ZNF48: variants seen among roughly 807,000 people sequenced by gnomAD.
ZNF48 encodes zinc finger protein 48.
ZNF48 carries 20 observed loss-of-function variants against 40.0 expected under a neutral mutation model. The observed-to-expected ratio is 0.50, with a 90% CI of 0.35 to 0.73. The LOEUF is 0.73. Among genes scored for constraint, ZNF48 ranks in the 30% least tolerant of loss-of-function variants. The pLI is 0.01. For synonymous variants in ZNF48, 298 were observed against 329.7 expected (o/e 0.90, Z 1.04); for missense variants, 726 against 851.9 (o/e 0.85, Z 1.84).
At position 30,398,183 on chromosome 16, in the gene ZNF48, G is replaced by T. The variant is rs769345363; in HGVS notation, c.933G>T (p.Glu311Asp). Residue 311 changes from glutamate to aspartate, a missense_variant, in exon 3 of 3, where the codon GAG (glutamate) becomes GAT (aspartate). Physicochemically the swap from Glu to Asp is conservative, Grantham distance 45 (BLOSUM62 2). Around this residue, in one of 5 missense-constraint regions of ZNF48, gnomAD observed 378 missense variants for 449.1 expected, o/e 0.84. Transcript: ENST00000613509. This position sits in a 1 kb window ranked among gnomAD's most constrained non-coding sequence, Gnocchi z 6.6. ...TTGGCTGTGATGTGTGTGGAAAGGAGTTTGCCCGGGGATCCGACCTGGTGA... is the reference window on the plus strand; with the variant it reads ...TTGGCTGTGATGTGTGTGGAAAGGATTTTGCCCGGGGATCCGACCTGGTGA... ...KPFGCDVCGK[E>D]FARGSDLVKH... 1 of 1,614,006 alleles carries T rather than the reference G, an allele frequency of 6.2e-7. No homozygotes were observed. Among genetic ancestry groups the T allele is most frequent in the Non-Finnish European group, 8.5e-7 (1 of 1,180,000 alleles).
chr16:30,397,973 A>G lies in ZNF48; in HGVS notation c.723A>G (p.Thr241=). The change falls in exon 3 of 3, where the codon ACA becomes ACG. Residue 241 remains threonine, a synonymous_variant. Coordinates refer to ENST00000613509, the MANE Select transcript of ZNF48 (RefSeq NM_001214909.2). The surrounding 1 kb of genome is among the most constrained non-coding windows in gnomAD (Gnocchi z 4.1). ...CCGCCCGCATCAAGCACCAGCGGAC[A>G]CACCGGGGGGAGCAGCCCCCCCGAC... ...DSSARIKHQR[T]HRGEQPPRPV... 1.2e-6 allele frequency: 2 copies of G among 1,613,860 alleles called. No homozygotes were observed. Among genetic ancestry groups the G allele is most frequent in the Non-Finnish European group, 8.5e-7 (1 of 1,179,954 alleles).
At chr16:30,380,188 A>C in intron 1 of ZNF48, 1 of 503,002 alleles carries the variant, frequency 2.0e-6, no homozygotes, top group Non-Finnish European at 3.4e-6. Flanking sequence ...ACAGGAAGAC[A>C]AAAACAAAAT....
At chr16:30,379,484 G>T in intron 1 of ZNF48, 1 of 1,613,702 alleles carries the variant, frequency 6.2e-7, no homozygotes. Flanking sequence ...GCCGGTTCCC[G>T]CCATCCCTCA....
chr16:30,397,191 T>A lies in ZNF48; in HGVS notation c.80-139T>A. On this transcript the variant is annotated intron_variant, in intron 2 of 2. Transcript: ENST00000613509. This position sits in a 1 kb window ranked among gnomAD's most constrained non-coding sequence, Gnocchi z 4.1. ...TTTATTGAGAGGCACAGATAGTAAGTGCACCAGAGGTTGAGAGGACAGAGA... is the reference window on the plus strand; with the variant it reads ...TTTATTGAGAGGCACAGATAGTAAGAGCACCAGAGGTTGAGAGGACAGAGA... 2.7e-6 allele frequency: 2 copies of A among 735,134 alleles called. No individual in the cohort carries two copies. The highest frequency in any genetic ancestry group is 4.5e-6 in the Non-Finnish European group (2 of 447,600). The allele number at this position is 735,134 out of a possible 1,614,324, so 45.5% of individuals were successfully genotyped here. A position where few individuals can be genotyped will look rare whatever the true frequency, so the allele number is the denominator to read the frequency against.
chr16:30,392,556 A>T (rs1365969780), upstream of ZNF48, among the ~76,000 whole-genome samples: 8 of 152,328 alleles, frequency 5.3e-5, no homozygotes, highest in East Asian at 1.5e-3. Flanking sequence ...ACTTTGCCGA[A>T]ATCAAACCAA....
chr16:30,392,577 A>G (rs1174914099), upstream of ZNF48, among the ~76,000 whole-genome samples: 2 of 152,208 alleles, frequency 1.3e-5, no homozygotes, highest in Non-Finnish European at 2.9e-5. Context: ...TTAGAGTAAT[A>G]GCTGATACTT....
upstream of ZNF48, among the ~76,000 whole-genome samples, chr16:30,390,601 G>GTT (rs796708706): frequency 9.4e-5 from 5 of 53,352 alleles, no homozygotes; most frequent in Non-Finnish European, 1.0e-4. Flanking sequence ...GTAGAGACGG[G>GTT]TTTTTTTTTT....
In ZNF48 at chr16:30,399,022, G is replaced by A. The variant is rs774599443; in HGVS notation, c.1772G>A (p.Arg591His). The change falls in exon 3 of 3, where the codon CGT (arginine) becomes CAT (histidine). Residue 591 changes from arginine to histidine, a missense_variant. By Grantham distance (29) the Arg-to-His change is conservative. Coordinates refer to ENST00000613509, the MANE Select transcript of ZNF48 (RefSeq NM_001214909.2). Reference protein sequence around the residue: ...GDSSARIKHQRGHLVLTPFGI... With the variant: ...GDSSARIKHQHGHLVLTPFGI... Reference sequence around the variant, plus strand: ...AGTTCTGCCCGCATCAAGCACCAGCGTGGGCACCTGGTCCTGACGCCCTTT... The same window carrying A: ...AGTTCTGCCCGCATCAAGCACCAGCATGGGCACCTGGTCCTGACGCCCTTT... The A allele has an allele frequency of 8.1e-6, 13 of 1,613,938 alleles. No individual in the cohort carries two copies. Among genetic ancestry groups the A allele is most frequent in the South Asian group, 1.1e-5 (1 of 91,074 alleles).
At chr16:30,388,810 C>T (rs2049920205) in intron 1 of ZNF48, among the ~76,000 whole-genome samples, 1 of 152,014 alleles carries the variant, frequency 6.6e-6, no homozygotes, top group African/African-American at 2.4e-5. Flanking sequence ...AGGAGAATTG[C>T]TTGAACTCAG....
chr16:30,380,739 C>T, intron 1 of ZNF48: 1 of 243,338 alleles, frequency 4.1e-6, no homozygotes, highest in East Asian at 1.1e-4. Context: ...CACTGTACTG[C>T]AGCCTGGGCC....
At chr16:30,385,724 T>C (rs2049896102) in intron 1 of ZNF48, among the ~76,000 whole-genome samples, 1 of 152,036 alleles carries the variant, frequency 6.6e-6, no homozygotes, top group Admixed American at 6.6e-5. Context: ...GAAAAATTGG[T>C]CCCCTTTTCT....
chr16:30,381,638 A>G lies in ZNF48; in HGVS notation c.-16+3228A>G. On this transcript the variant is annotated intron_variant, in intron 1 of 2. Transcript: ENST00000528032. This position sits in a 1 kb window ranked among gnomAD's most constrained non-coding sequence, Gnocchi z 4.3. Reference sequence around the variant, plus strand: ...GAGTCATCAAGAAGCACAGGGACCCAGTGGCCCTCTGAAACAGACACCACC... The same window carrying G: ...GAGTCATCAAGAAGCACAGGGACCCGGTGGCCCTCTGAAACAGACACCACC... The G allele has an allele frequency of 6.7e-7, 1 of 1,501,052 alleles. No individual in the cohort carries two copies. The highest frequency in any genetic ancestry group is 9.1e-7 in the Non-Finnish European group (1 of 1,104,788). The allele number at this position is 1,501,052 out of a possible 1,614,324, so 93.0% of individuals were successfully genotyped here.
chr16:30,378,567 G>A (rs767151310), intron 1 of ZNF48: 4 of 1,607,846 alleles, frequency 2.5e-6, no homozygotes, highest in Admixed American at 1.7e-5. Flanking sequence ...AGCCAGAGGG[G>A]GACCTGGGGC....
chr16:30,379,449 C>G, intron 1 of ZNF48: 2 of 1,613,910 alleles, frequency 1.2e-6, no homozygotes, highest in Middle Eastern at 1.7e-4. Flanking sequence ...CACGGTCCCC[C>G]AGGAGTAGCG....
Position 30,381,295 on chromosome 16 carries a change from A to G in ZNF48, c.-16+2885A>G. On this transcript the variant is annotated intron_variant, in intron 1 of 2. Transcript: ENST00000528032. The surrounding 1 kb of genome is among the most constrained non-coding windows in gnomAD (Gnocchi z 4.3). ...CAGCCTCAGGGGGCAGAGACCCCCC[A>G]GCCCTCCCTAAATGCGCCAGCCCCC... 2 of 1,044,266 alleles carry G rather than the reference A, an allele frequency of 1.9e-6. No homozygotes were observed. The highest frequency in any genetic ancestry group is 1.4e-5 in the South Asian group (1 of 73,996). The allele number at this position is 1,044,266 out of a possible 1,614,324, so 64.7% of individuals were successfully genotyped here.
chr16:30,378,522 T>C (rs776639677), intron 1 of ZNF48: 1 of 1,591,632 alleles, frequency 6.3e-7, no homozygotes, highest in Non-Finnish European at 8.6e-7. Flanking sequence ...GCGGCGCAGC[T>C]GTGCAGGGCG....
chr16:30,394,030 CTT>C (rs761579523), upstream of ZNF48, among the ~76,000 whole-genome samples: 26 of 143,158 alleles, frequency 1.8e-4, no homozygotes, highest in Admixed American at 2.1e-4. Context: ...TTCTCTCTCT[CTT>C]TTTTTTTTTT....
Position 30,397,918 on chromosome 16 carries a change from G to A in ZNF48, c.668G>A (p.Gly223Asp). 4.3e-6 allele frequency: 7 copies of A among 1,612,892 alleles called. No homozygotes were observed. The highest frequency in any genetic ancestry group is 4.5e-5 in the East Asian group (2 of 44,882). The change falls in exon 3 of 3, where the codon GGC (glycine) becomes GAC (aspartate). Residue 223 changes from glycine (G) to aspartate (D), a missense_variant. By Grantham distance (94) the Gly-to-Asp change is moderately conservative. Coordinates refer to ENST00000613509, the MANE Select transcript of ZNF48 (RefSeq NM_001214909.2). This position sits in a 1 kb window ranked among gnomAD's most constrained non-coding sequence, Gnocchi z 4.1. ...ACTGGTGAGAAGCCCTACAAGTGTG[G>A]CATATGTGGCAAGGGCTTTGGCGAC... is the stretch of plus-strand genomic sequence containing the variant. ...THTGEKPYKC[G>D]ICGKGFGDSS...
rs2050014870 is a variant in ZNF48, at chr16:30,398,540, G to T, written c.1290G>T (p.Glu430Asp). The T allele has an allele frequency of 6.2e-7, 1 of 1,607,080 alleles. No homozygotes were observed. The highest frequency in any genetic ancestry group is 1.3e-5 in the African/African-American group (1 of 74,726). The change falls in exon 3 of 3, where the codon GAG becomes GAT. Residue 430 changes from glutamate (E) to aspartate (D), a missense_variant. By Grantham distance (45) the Glu-to-Asp change is conservative (BLOSUM62 2). Around this residue, in one of 5 missense-constraint regions of ZNF48, gnomAD observed 378 missense variants for 449.1 expected, o/e 0.84. Coordinates refer to ENST00000613509, the MANE Select transcript of ZNF48 (RefSeq NM_001214909.2). The surrounding 1 kb of genome is among the most constrained non-coding windows in gnomAD (Gnocchi z 6.6). ...SGEPFGLPGL[E>D]PEPGGPQAGE... is the part of the protein sequence containing the mutation. ...AGCCTTTTGGCCTGCCTGGCTTGGA[G>T]CCAGAGCCTGGGGGCCCACAGGCTG...
Sources: gnomAD v4.1 joint callset for allele counts (sites outside exome capture counted in the v4.1 genomes callset) on GRCh38, gnomAD v4.1.1 for gene constraint, gnomAD v4.1.1 regional missense constraint, Gnocchi (gnomAD v3.1) non-coding constraint, MANE v1.5 for transcripts, NCBI Gene and HGNC (gene_info 2026-07-23, HGNC 2026-07-21) for gene names.